The following EPC2 variants were observed in gnomAD, a reference collection of about 807,000 sequenced individuals.
The protein encoded by EPC2 is enhancer of polycomb homolog 2.
A neutral mutation model predicts 92.1 loss-of-function variants in EPC2; 14 were observed. The ratio of observed to expected loss-of-function variants is 0.15; its 90% CI spans 0.10 to 0.24. The LOEUF is 0.24. EPC2 is among the 10% of genes least tolerant of loss of function. The pLI, the probability that EPC2 is intolerant of heterozygous loss-of-function variation, is 1.00. For synonymous variants in EPC2, 340 were observed against 334.7 expected (o/e 1.02, Z -0.17); for missense variants, 755 against 971.5 (o/e 0.78, Z 2.96).
At chr2:148,763,848 G>T (rs1382999408) in intron 6 of EPC2, among the ~76,000 whole-genome samples, 1 of 152,138 alleles carries the variant, frequency 6.6e-6, no homozygotes, top group Admixed American at 6.5e-5. Context: ...GTTAAGCATT[G>T]CAATATGAAA....
At chr2:148,741,460 T>C (rs1225468760) in intron 2 of EPC2, among the ~76,000 whole-genome samples, 1 of 152,168 alleles carries the variant, frequency 6.6e-6, no homozygotes, top group Non-Finnish European at 1.5e-5. Flanking sequence ...CAAATGCCTT[T>C]AGATATTTTA....
intron 2 of EPC2, among the ~76,000 whole-genome samples, chr2:148,696,267 A>C (rs1370571169): frequency 6.6e-6 from 1 of 152,232 alleles, no homozygotes; most frequent in East Asian, 1.9e-4. Context: ...TGGACAACAC[A>C]GTGAGACCTT....
At chr2:148,780,015 T>G (rs1424185422) in intron 10 of EPC2, among the ~76,000 whole-genome samples, 2 of 152,338 alleles carry the variant, frequency 1.3e-5, no homozygotes, top group Admixed American at 1.3e-4. Context: ...CATGAATACT[T>G]CACATTTTCA....
intron 7 of EPC2, among the ~76,000 whole-genome samples, 160 bp from the exon 8 acceptor site, chr2:148,768,991 A>G (rs1218206069): frequency 2.0e-5 from 3 of 152,210 alleles, no homozygotes; most frequent in South Asian, 4.1e-4. Context: ...TAACTATAGA[A>G]AATTTTTGCT....
chr2:148,682,651 C>A (rs186948030), intron 1 of EPC2, among the ~76,000 whole-genome samples: 1 of 151,736 alleles, frequency 6.6e-6, no homozygotes, highest in African/African-American at 2.4e-5. Context: ...TCTACAAGGG[C>A]CTTCTCTTTT....
intron 3 of EPC2, 33 bp downstream of exon 3, chr2:148,743,800 CTA>C: frequency 2.1e-6 from 3 of 1,455,862 alleles, no homozygotes; most frequent in Non-Finnish European, 2.7e-6. Flanking sequence ...CTCTTATCTT[CTA>C]GTTAACCCAA....
chr2:148,669,510 C>G (rs1681113540), intron 1 of EPC2, among the ~76,000 whole-genome samples: 1 of 152,052 alleles, frequency 6.6e-6, no homozygotes, highest in Admixed American at 6.6e-5. Flanking sequence ...GACCCTGTCT[C>G]TACAAAAGAG....
intron 1 of EPC2, among the ~76,000 whole-genome samples, chr2:148,683,612 C>T (rs1681455818): frequency 6.6e-6 from 1 of 152,152 alleles, no homozygotes; most frequent in African/African-American, 2.4e-5. Context: ...TTAGCTCCCA[C>T]TTATAAATAA....
At chr2:148,754,782 T>G (rs1381549571) in intron 4 of EPC2, among the ~76,000 whole-genome samples, 1 of 152,186 alleles carries the variant, frequency 6.6e-6, no homozygotes, top group East Asian at 1.9e-4. Flanking sequence ...CCATCTGGCT[T>G]TCAGAAGCAG....
intron 2 of EPC2, among the ~76,000 whole-genome samples, chr2:148,727,914 C>T (rs983965816): frequency 1.3e-5 from 2 of 152,208 alleles, no homozygotes; most frequent in African/African-American, 4.8e-5. Context: ...ACCACCCCTC[C>T]TTTATAAGTG....
At chr2:148,674,240 C>G (rs1453809118) in intron 1 of EPC2, among the ~76,000 whole-genome samples, 1 of 152,196 alleles carries the variant, frequency 6.6e-6, no homozygotes, top group African/African-American at 2.4e-5. Context: ...TGTTTGTACT[C>G]TCTTGCTCCC....
In EPC2 at chr2:148,645,185, GT is replaced by G; in HGVS notation, c.153+18del. 6.3e-7 allele frequency: 1 copy of G among 1,593,460 alleles called. No individual in the cohort carries two copies. The highest frequency in any genetic ancestry group is 8.6e-7 in the Non-Finnish European group (1 of 1,169,086). ...AGGAGGAATCGGTAGGGACTCGAGTGTTTATTACCCCCCCTTCCCTCCTCCC... is the reference window on the plus strand; with the variant it reads ...AGGAGGAATCGGTAGGGACTCGAGTGTTATTACCCCCCCTTCCCTCCTCCC... On this transcript the variant is annotated intron_variant, in intron 1 of 13. Transcript: ENST00000258484.
At chr2:148,658,605 GTGTATA>G (rs1468959681) in intron 1 of EPC2, among the ~76,000 whole-genome samples, 256 of 20,694 alleles carry the variant, frequency 0.012, no homozygotes, top group African/African-American at 0.016. Flanking sequence ...GTGTGTGTGT[GTGTATA>G]TATATATATA....
rs1230414182 is a variant in EPC2, at chr2:148,656,978, T to C, written c.153+11808T>C. ...TACAGATTAGTCTTGAAATGATTCC[T>C]GTATGCCAGAATGCCATGAGTTTTT... On this transcript the variant is annotated intron_variant, in intron 1 of 13. Transcript: ENST00000258484. Among the ~76,000 whole-genome samples the C allele has an allele frequency of 2.6e-5, 4 of 152,312 alleles. No individual in the cohort carries two copies. In the East Asian group the frequency reaches 7.7e-4, roughly 29 times the overall value.
chr2:148,744,990 C>CT (rs1491580908), intron 3 of EPC2, among the ~76,000 whole-genome samples: 1 of 11,258 alleles, frequency 8.9e-5, no homozygotes, highest in African/African-American at 2.1e-4. Flanking sequence ...TATCAGTTTG[C>CT]CCCCCCCCCC....
intron 1 of EPC2, among the ~76,000 whole-genome samples, chr2:148,671,387 G>A (rs1681152230): frequency 6.6e-6 from 1 of 151,662 alleles, no homozygotes; most frequent in Non-Finnish European, 1.5e-5. Flanking sequence ...GCCGAGGCAG[G>A]CGGATCACTT....
At chr2:148,679,326 G>T (rs1346612694) in intron 1 of EPC2, among the ~76,000 whole-genome samples, 1 of 152,126 alleles carries the variant, frequency 6.6e-6, no homozygotes, top group Admixed American at 6.5e-5. Context: ...CTTGTAAAAT[G>T]ATGCCATAAC....
intron 1 of EPC2, among the ~76,000 whole-genome samples, chr2:148,678,500 G>A (rs902812716): frequency 2.6e-5 from 4 of 152,286 alleles, no homozygotes; most frequent in Non-Finnish European, 5.9e-5. Flanking sequence ...CATGGAGGGA[G>A]TGGGAGGCTT....
chr2:148,647,619 C>CTTTTTTTTTT lies in EPC2; in HGVS notation c.153+2467_153+2476dup, dbSNP rs55731814. Among the ~76,000 whole-genome samples the CTTTTTTTTTT allele has an allele frequency of 1.6e-4, 10 of 63,742 alleles. 1 individual carries two copies. The highest frequency in any genetic ancestry group is 5.7e-4 in the African/African-American group (9 of 15,728). 41.8% of individuals were successfully genotyped at this position (63,742 alleles called of 152,430 possible). ...ACTGCGCCTGGCCGCGCCTTGCAGA[C>CTTTTTTTTTT]TTTTTTTTTTTTTTTTTTTTTTTTT... On this transcript the variant is annotated intron_variant, in intron 1 of 13. Coordinates refer to ENST00000258484, the MANE Select transcript of EPC2 (RefSeq NM_015630.4).
Sources: allele counts gnomAD v4.1 joint callset (sites outside exome capture counted in the v4.1 genomes callset), GRCh38; gene constraint gnomAD v4.1.1; transcripts MANE v1.5; gene names NCBI Gene and HGNC (gene_info 2026-07-23, HGNC 2026-07-21).